The following MOSPD3 variants were observed in gnomAD, a reference collection of about 807,000 sequenced individuals.
MOSPD3 encodes the protein motile sperm domain containing 3, also known as motile sperm domain-containing protein 3.
A neutral mutation model predicts 23.3 loss-of-function variants in MOSPD3; 20 were observed. The observed-to-expected ratio is 0.86, with a 90% CI of 0.61 to 1.25. MOSPD3 has a LOEUF of 1.25. MOSPD3 is among the 50% of genes most tolerant of loss of function. MOSPD3 has a pLI of 0.00. For synonymous variants in MOSPD3, 136 were observed against 135.2 expected, an observed-to-expected ratio of 1.01 and a Z score of -0.04; for missense variants, 307 against 315.7, an observed-to-expected ratio of 0.97 and a Z score of 0.21.
intron 3 of MOSPD3, 43 bp from the exon 4 acceptor site, chr7:100,614,824 G>C (rs372357761): frequency 2.5e-4 from 391 of 1,581,052 alleles, no homozygotes; most frequent in Non-Finnish European, 3.2e-4. Context: ...CCTGGGCTGG[G>C]CAGGAGTGGG....
Position 100,614,938 on chromosome 7 carries a change from C to A in MOSPD3, c.583C>A (p.Leu195Met). The A allele has an allele frequency of 6.2e-7, 1 of 1,614,100 alleles. No individual in the cohort carries two copies. The highest frequency in any genetic ancestry group is 8.5e-7 in the Non-Finnish European group (1 of 1,179,976). ...LLTGIVSVAFLLLPLPDELGS... is the reference protein window; with the variant it reads ...LLTGIVSVAFMLLPLPDELGS... Reference sequence around the variant, plus strand: ...GACGGGGATTGTGTCTGTGGCCTTCCTGCTGCTCCCACTCCCGGACGAACT... The same window carrying A: ...GACGGGGATTGTGTCTGTGGCCTTCATGCTGCTCCCACTCCCGGACGAACT... Residue 195 changes from leucine to methionine, a missense_variant, in exon 4 of 5, where the codon CTG (leucine) becomes ATG (methionine). Coordinates refer to ENST00000393950, the MANE Select transcript of MOSPD3 (RefSeq NM_023948.5).
Position 100,612,882 on chromosome 7 carries a change from G to A in MOSPD3, c.91G>A (p.Val31Ile), listed in dbSNP as rs1029433281. ...GGGCGCCCCTCCTCCCTTGGGACCCGTTGTCCCGGTCCTGGTCTTTCCCCC... is the reference window on the plus strand; with the variant it reads ...GGGCGCCCCTCCTCCCTTGGGACCCATTGTCCCGGTCCTGGTCTTTCCCCC... ...SRGAPPPLGPVVPVLVFPPDL... is the reference protein window; with the variant it reads ...SRGAPPPLGPIVPVLVFPPDL... The change falls in exon 1 of 5, where the codon GTT becomes ATT. Residue 31 changes from valine (V) to isoleucine (I), a missense_variant. Coordinates refer to ENST00000393950, the MANE Select transcript of MOSPD3 (RefSeq NM_023948.5). The A allele has an allele frequency of 1.9e-6, 3 of 1,613,114 alleles. No individual in the cohort carries two copies. The highest frequency in any genetic ancestry group is 8.5e-7 in the Non-Finnish European group (1 of 1,179,800).
chr7:100,615,200 C>G lies in MOSPD3; in HGVS notation c.*17C>G. 1 of 1,612,772 alleles carries G rather than the reference C, an allele frequency of 6.2e-7. No homozygotes were observed. The highest frequency in any genetic ancestry group is 1.7e-5 in the Admixed American group (1 of 59,930). ...CGGACCTGAGCTCCGTGCTCAACCC[C>G]CAGCCCACCCCACCCTCCCTGGGCA... On this transcript the variant is annotated 3_prime_UTR_variant, in exon 5 of 5. Transcript: ENST00000393950.
rs746759949 is a variant in MOSPD3, at chr7:100,613,470, G to T, written c.282-7G>T. The T allele has an allele frequency of 1.9e-6, 3 of 1,613,934 alleles. No homozygotes were observed. Among genetic ancestry groups the T allele is most frequent in the South Asian group, 2.2e-5 (2 of 91,074 alleles). On this transcript the variant is annotated splice_region_variant and splice_polypyrimidine_tract_variant and intron_variant, in intron 2 of 4. Transcript: ENST00000393950. ...CCCAATGGGCTTCTCTCCTACCTTGGGACCAGTGTGATTCGCCATGTGGCA... is the reference window on the plus strand; with the variant it reads ...CCCAATGGGCTTCTCTCCTACCTTGTGACCAGTGTGATTCGCCATGTGGCA...
Position 100,612,650 on chromosome 7 carries a change from G to A in MOSPD3, c.-142G>A. On this transcript the variant is annotated 5_prime_UTR_variant, in exon 1 of 5. Coordinates refer to ENST00000393950, the MANE Select transcript of MOSPD3 (RefSeq NM_023948.5). ...GTCTGCGGGAGCCCCATCTAGCGGG[G>A]TTCCAAGGCGGCGGCGGCATCAGTC... 1 of 601,922 alleles carries A rather than the reference G, an allele frequency of 1.7e-6. No individual in the cohort carries two copies. Among genetic ancestry groups the A allele is most frequent in the Non-Finnish European group, 2.8e-6 (1 of 354,154 alleles). 37.3% of individuals were successfully genotyped at this position (601,922 alleles called of 1,614,324 possible). A position where few individuals can be genotyped will look rare whatever the true frequency, so the allele number is the denominator to read the frequency against.
In MOSPD3 at chr7:100,612,629, G is replaced by T; in HGVS notation, c.-163G>T. 1.8e-6 allele frequency: 1 copy of T among 554,692 alleles called. No homozygotes were observed. Among genetic ancestry groups the T allele is most frequent in the Non-Finnish European group, 3.2e-6 (1 of 317,376 alleles). 34.4% of individuals were successfully genotyped at this position (554,692 alleles called of 1,614,324 possible). A position where few individuals can be genotyped will look rare whatever the true frequency, so the allele number is the denominator to read the frequency against. ...TCTTGGGGGCCCTGGGCCTGGGTCT[G>T]CGGGAGCCCCATCTAGCGGGGTTCC... On this transcript the variant is annotated 5_prime_UTR_variant, in exon 1 of 5. Transcript: ENST00000393950.
At chr7:100,612,453 C>T (rs1001962147), upstream of MOSPD3, 14 of 188,242 alleles carry the variant, frequency 7.4e-5, no homozygotes, top group South Asian at 1.6e-4. Flanking sequence ...AGGCCAGCGG[C>T]GGGGCGGGGC....
Position 100,615,357 on chromosome 7 carries a change from A to C in MOSPD3, c.*174A>C. On this transcript the variant is annotated 3_prime_UTR_variant, in exon 5 of 5. Coordinates refer to ENST00000393950, the MANE Select transcript of MOSPD3 (RefSeq NM_023948.5). The stretch of plus-strand genomic sequence containing the variant: ...TGTACTCATTTTCCAAGTTGAATAA[A>C]ATACATTTTTAAAATGATAATCAGA... The C allele has an allele frequency of 1.7e-6, 1 of 593,986 alleles. No homozygotes were observed. Among genetic ancestry groups the C allele is most frequent in the East Asian group, 3.0e-5 (1 of 33,262 alleles). The allele number at this position is 593,986 out of a possible 1,614,324, so 36.8% of individuals were successfully genotyped here. A position where few individuals can be genotyped will look rare whatever the true frequency, so the allele number is the denominator to read the frequency against.
chr7:100,613,908 GAAA>G lies in MOSPD3; in HGVS notation c.511+205_511+207del, dbSNP rs1802914010. ...CCTGGTTTCTGACTTCTACTTAGAGGAAAAAGTTCTTCCTTGACTGTAACCGCA... is the reference window on the plus strand; with the variant it reads ...CCTGGTTTCTGACTTCTACTTAGAGGAAGTTCTTCCTTGACTGTAACCGCA... On this transcript the variant is annotated intron_variant, in intron 3 of 4. Coordinates refer to ENST00000393950, the MANE Select transcript of MOSPD3 (RefSeq NM_023948.5). The G allele has an allele frequency of 6.6e-6, 4 of 609,476 alleles. No individual in the cohort carries two copies. The Admixed American group carries it at 8.9e-5, about 14-fold the overall frequency. The allele number at this position is 609,476 out of a possible 1,614,324, so 37.8% of individuals were successfully genotyped here. A position where few individuals can be genotyped will look rare whatever the true frequency, so the allele number is the denominator to read the frequency against.
At chr7:100,615,080 G>A (rs376991665) in intron 4 of MOSPD3, 49 bp downstream of exon 4, 2 of 1,614,094 alleles carry the variant, frequency 1.2e-6, no homozygotes, top group East Asian at 2.2e-5. Flanking sequence ...AAAGGGAGAA[G>A]GGACGGGAGG....
Position 100,612,969 on chromosome 7 carries a change from C to G in MOSPD3, c.178C>G (p.Pro60Ala). The change falls in exon 1 of 5, where the codon CCC becomes GCC. Residue 60 changes from proline to alanine, a missense_variant. Physicochemically the swap from Pro to Ala is conservative, Grantham distance 27 (BLOSUM62 -1). Coordinates refer to ENST00000393950, the MANE Select transcript of MOSPD3 (RefSeq NM_023948.5). ...CCGACAGCTGCTGACCCTCTATAAC[C>G]CCACAGGAACTGCGCTTCGCTTCCG... ...GPRQLLTLYN[P>A]TGTALRFRVL... 1 of 1,614,012 alleles carries G rather than the reference C, an allele frequency of 6.2e-7. No individual in the cohort carries two copies. Among genetic ancestry groups the G allele is most frequent in the Non-Finnish European group, 8.5e-7 (1 of 1,180,024 alleles).
Position 100,615,154 on chromosome 7 carries a change from C to G in MOSPD3, c.679C>G (p.Leu227Val), listed in dbSNP as rs1207102079. 1 of 1,614,120 alleles carries G rather than the reference C, an allele frequency of 6.2e-7. No individual in the cohort carries two copies. Among genetic ancestry groups the G allele is most frequent in the South Asian group, 1.1e-5 (1 of 91,074 alleles). Reference sequence around the variant, plus strand: ...TTCTTTCTTTGTCCCCCCTCCAGGCCTCCTCACCATGGTGTTCCTCCGGAC... The same window carrying G: ...TTCTTTCTTTGTCCCCCCTCCAGGCGTCCTCACCATGGTGTTCCTCCGGAC... ...QKLVAAYVLG[L>V]LTMVFLRT Residue 227 changes from leucine to valine, a missense_variant and splice_region_variant, in exon 5 of 5, where the codon CTC becomes GTC. Physicochemically the swap from Leu to Val is conservative, Grantham distance 32. Transcript: ENST00000393950.
chr7:100,613,797 C>T lies in MOSPD3; in HGVS notation c.511+91C>T, dbSNP rs1156668720. ...AGATAAATTGGATTTGAAGAAGTCT[C>T]CTGGTTCAGTCTTTTGTCTTTTGGT... is the stretch of plus-strand genomic sequence containing the variant. On this transcript the variant is annotated intron_variant, in intron 3 of 4. Coordinates refer to ENST00000393950, the MANE Select transcript of MOSPD3 (RefSeq NM_023948.5). 6.1e-6 allele frequency: 7 copies of T among 1,146,828 alleles called. No homozygotes were observed. In the African/African-American group the frequency reaches 9.2e-5, roughly 15 times the overall value. 71.0% of individuals were successfully genotyped at this position (1,146,828 alleles called of 1,614,324 possible). A position where few individuals can be genotyped will look rare whatever the true frequency, so the allele number is the denominator to read the frequency against.
chr7:100,614,899 C>G lies in MOSPD3; in HGVS notation c.544C>G (p.Leu182Val), dbSNP rs1562832211. The part of the protein sequence containing the change: ...PRQQLATSSF[L>V]LFLLTGIVSV... Reference sequence around the variant, plus strand: ...CCAGCAACTGGCCACCAGCTCCTTCCTCCTCTTCTTGCTGACGGGGATTGT... The same window carrying G: ...CCAGCAACTGGCCACCAGCTCCTTCGTCCTCTTCTTGCTGACGGGGATTGT... The change falls in exon 4 of 5, where the codon CTC becomes GTC. Residue 182 changes from leucine (L) to valine (V), a missense_variant. Physicochemically the swap from Leu to Val is conservative, Grantham distance 32. Transcript: ENST00000393950. The G allele has an allele frequency of 6.2e-7, 1 of 1,614,198 alleles. No homozygotes were observed. Among genetic ancestry groups the G allele is most frequent in the Non-Finnish European group, 8.5e-7 (1 of 1,180,024 alleles).
At position 100,613,519 on chromosome 7, in the gene MOSPD3, C is replaced by G. The variant is rs2131297223; in HGVS notation, c.324C>G (p.Val108=). 1 of 1,614,190 alleles carries G rather than the reference C, an allele frequency of 6.2e-7. No homozygotes were observed. The highest frequency in any genetic ancestry group is 8.5e-7 in the Non-Finnish European group (1 of 1,180,034). ...CACCCATTCCCAGCCACTATGATGTCCAGGACCGCTTCCGCATTGAGCTGT... is the reference window on the plus strand; with the variant it reads ...CACCCATTCCCAGCCACTATGATGTGCAGGACCGCTTCCGCATTGAGCTGT... ...HVAPIPSHYD[V]QDRFRIELSE... Residue 108 remains valine (V), a synonymous_variant, in exon 3 of 5, where the codon GTC becomes GTG. Coordinates refer to ENST00000393950, the MANE Select transcript of MOSPD3 (RefSeq NM_023948.5).
Position 100,613,229 on chromosome 7 carries a change from G to A in MOSPD3, c.241G>A (p.Asp81Asn). ...AGCACCTGCCAAATACACGGTGTTT[G>A]ACGCAGAGGGATATGTGAAGCCCCA... ...CTAPAKYTVFDAEGYVKPQSC... is the reference protein window; with the variant it reads ...CTAPAKYTVFNAEGYVKPQSC... Residue 81 changes from aspartate to asparagine, a missense_variant, in exon 2 of 5, where the codon GAC (aspartate) becomes AAC (asparagine). Physicochemically the swap from Asp to Asn is conservative, Grantham distance 23. Transcript: ENST00000393950. 2 of 1,614,118 alleles carry A rather than the reference G, an allele frequency of 1.2e-6. No individual in the cohort carries two copies. The highest frequency in any genetic ancestry group is 1.7e-6 in the Non-Finnish European group (2 of 1,180,014).
chr7:100,613,388 T>C, intron 2 of MOSPD3, 89 bp from the exon 3 acceptor site: 1 of 1,549,460 alleles, frequency 6.5e-7, no homozygotes, highest in Non-Finnish European at 8.9e-7. Flanking sequence ...CCTGTGCCCC[T>C]AAGGGAGAGA....
rs1802968865 is a variant in MOSPD3, at chr7:100,615,338, C to T, written c.*155C>T. ...CAAAAAACACCCAGGGATTTGTACT[C>T]ATTTTCCAAGTTGAATAAAATACAT... On this transcript the variant is annotated 3_prime_UTR_variant, in exon 5 of 5. Coordinates refer to ENST00000393950, the MANE Select transcript of MOSPD3 (RefSeq NM_023948.5). 9 of 627,054 alleles carry T rather than the reference C, an allele frequency of 1.4e-5. No individual in the cohort carries two copies. Among genetic ancestry groups the T allele is most frequent in the Non-Finnish European group, 2.4e-5 (9 of 369,270 alleles). The allele number at this position is 627,054 out of a possible 1,614,324, so 38.8% of individuals were successfully genotyped here.
intron 3 of MOSPD3, among the ~76,000 whole-genome samples, chr7:100,614,050 C>T (rs572779152): frequency 2.6e-5 from 4 of 152,220 alleles, no homozygotes; most frequent in Non-Finnish European, 2.9e-5. Context: ...CCCTGCCTGT[C>T]GGATAGGTCC....
Sources: allele counts gnomAD v4.1 joint callset (sites outside exome capture counted in the v4.1 genomes callset), GRCh38; gene constraint gnomAD v4.1.1; transcripts MANE v1.5; gene names NCBI Gene and HGNC (gene_info 2026-07-23, HGNC 2026-07-21).